The following NBEA variants were observed in gnomAD, a reference collection of about 807,000 sequenced individuals.
NBEA encodes neurobeachin, also known as lysosomal-trafficking regulator 2.
Under a neutral mutation model 343.4 loss-of-function variants are expected in NBEA, and 44 were observed. The observed-to-expected ratio is 0.13, with a 90% confidence interval of 0.10 to 0.16. The LOEUF (loss-of-function observed/expected upper bound fraction) is 0.16. Ranked by LOEUF, NBEA falls within the 10% of genes least tolerant of loss-of-function variation. The pLI, the probability that NBEA is intolerant of heterozygous loss-of-function variation, is 1.00. For missense variants in NBEA, 2,555 were observed against 3,631.3 expected, an observed-to-expected ratio of 0.70 and a Z score of 7.62; for synonymous variants, 1,175 against 1,238.7, an observed-to-expected ratio of 0.95 and a Z score of 1.08.
chr13:35,575,676 C>A (rs79441562), intron 45 of NBEA, among the ~76,000 whole-genome samples: 19,869 of 152,108 alleles, frequency 0.13, 1,438 homozygotes, highest in East Asian at 0.28. Flanking sequence ...ATAATCAGAT[C>A]ACCATGATTA....
At chr13:35,495,914 G>A (rs2076659493) in intron 41 of NBEA, among the ~76,000 whole-genome samples, 1 of 152,030 alleles carries the variant, frequency 6.6e-6, no homozygotes. Context: ...CATGTGACTT[G>A]AAAGAACTGA....
chr13:35,330,461 A>T (rs966978839), intron 36 of NBEA, among the ~76,000 whole-genome samples: 1 of 152,004 alleles, frequency 6.6e-6, no homozygotes, highest in Admixed American at 6.6e-5. Flanking sequence ...CTTTCCCTTA[A>T]CACTTAATTC....
intron 1 of NBEA, among the ~76,000 whole-genome samples, chr13:34,985,904 C>A (rs2060527001): frequency 1.3e-5 from 2 of 150,330 alleles, no homozygotes; most frequent in South Asian, 4.2e-4. Context: ...TTTTTTATTG[C>A]ATTTATTTGA....
intron 25 of NBEA, among the ~76,000 whole-genome samples, chr13:35,170,175 T>C (rs950513256): frequency 2.0e-5 from 3 of 151,722 alleles, no homozygotes; most frequent in Non-Finnish European, 4.4e-5. Flanking sequence ...TCTGCTCACG[T>C]TTCCATGTTA....
chr13:35,243,900 C>T (rs1002706781), intron 34 of NBEA, among the ~76,000 whole-genome samples: 3 of 151,794 alleles, frequency 2.0e-5, no homozygotes, highest in Non-Finnish European at 4.4e-5. Flanking sequence ...ATCAATTGGA[C>T]TTAACAGACC....
intron 36 of NBEA, among the ~76,000 whole-genome samples, chr13:35,312,166 T>TA (rs2037413967): frequency 1.3e-5 from 2 of 152,148 alleles, no homozygotes; most frequent in South Asian, 4.1e-4. Context: ...GATGAACACA[T>TA]ACAGTAATAC....
At chr13:35,136,895 T>C (rs980433148) in intron 17 of NBEA, among the ~76,000 whole-genome samples, 1 of 152,236 alleles carries the variant, frequency 6.6e-6, no homozygotes. Context: ...TGAATTCATT[T>C]GAAGTAGACG....
intron 41 of NBEA, among the ~76,000 whole-genome samples, chr13:35,511,956 A>C (rs1022111656): frequency 6.6e-6 from 1 of 152,184 alleles, no homozygotes; most frequent in African/African-American, 2.4e-5. Context: ...TTTAATGTCC[A>C]GTGGAGATGT....
chr13:35,363,216 G>A (rs1393751693), intron 38 of NBEA, among the ~76,000 whole-genome samples: 3 of 151,896 alleles, frequency 2.0e-5, no homozygotes, highest in African/African-American at 7.2e-5. Flanking sequence ...GGATTAGGTA[G>A]AAATTTTAAT....
At chr13:35,192,337 A>G (rs1360879067) in intron 30 of NBEA, among the ~76,000 whole-genome samples, 1 of 152,036 alleles carries the variant, frequency 6.6e-6, no homozygotes, top group African/African-American at 2.4e-5. Flanking sequence ...GTAAATGCAT[A>G]CTGAGAAATA....
intron 10 of NBEA, among the ~76,000 whole-genome samples, chr13:35,092,814 A>G (rs1049609158): frequency 5.3e-5 from 8 of 152,054 alleles, no homozygotes; most frequent in Admixed American, 6.6e-5. Context: ...ATATACACTT[A>G]TTGTATAGTT....
chr13:35,123,640 C>G, intron 17 of NBEA, 66 bp downstream of exon 17: 1 of 998,568 alleles, frequency 1.0e-6, no homozygotes, highest in Non-Finnish European at 1.4e-6. Flanking sequence ...TATGAGTTTT[C>G]TATGTAATGT....
At chr13:35,547,368 A>T (rs2079110790) in intron 41 of NBEA, among the ~76,000 whole-genome samples, 1 of 152,146 alleles carries the variant, frequency 6.6e-6, no homozygotes, top group Admixed American at 6.5e-5. Context: ...TACTGATCTT[A>T]GGTTCCTTTT....
Position 35,667,666 on chromosome 13 carries a change from A to G in NBEA, c.8661+96A>G, listed in dbSNP as rs2085423808. 6.0e-6 allele frequency: 7 copies of G among 1,157,392 alleles called. No homozygotes were observed. In the East Asian group the frequency reaches 1.4e-4, roughly 23 times the overall value. 71.7% of individuals were successfully genotyped at this position (1,157,392 alleles called of 1,614,324 possible). A position where few individuals can be genotyped will look rare whatever the true frequency, so the allele number is the denominator to read the frequency against. ...TAATTCATAATAGAATGTCTGTGCT[A>G]TCCAGATAAATGTGTTCTAGATTAA... On this transcript the variant is annotated intron_variant, in intron 57 of 58. Transcript: ENST00000379939.
chr13:35,640,054 A>G (rs750507291), intron 49 of NBEA, among the ~76,000 whole-genome samples: 33 of 152,128 alleles, frequency 2.2e-4, no homozygotes, highest in Non-Finnish European at 4.0e-4. Flanking sequence ...GATTAACGAA[A>G]GTTTTTGCCT....
intron 41 of NBEA, among the ~76,000 whole-genome samples, chr13:35,506,585 T>C (rs1380652045): frequency 6.6e-6 from 1 of 152,134 alleles, no homozygotes; most frequent in Non-Finnish European, 1.5e-5. Context: ...TGGGTTCGTG[T>C]TCTGTCCGTC....
intron 45 of NBEA, among the ~76,000 whole-genome samples, chr13:35,570,385 G>A (rs954381209): frequency 9.9e-5 from 15 of 152,172 alleles, no homozygotes; most frequent in Non-Finnish European, 1.6e-4. Context: ...CTTTGGCAGA[G>A]CTTTTCCTTT....
intron 46 of NBEA, among the ~76,000 whole-genome samples, chr13:35,590,123 T>C (rs777766003): frequency 1.3e-5 from 2 of 152,042 alleles, no homozygotes; most frequent in Admixed American, 1.3e-4. Flanking sequence ...TTTTTTAAGG[T>C]TAATATAGCA....
chr13:35,616,091 C>T (rs574235729), intron 48 of NBEA, among the ~76,000 whole-genome samples: 1 of 152,136 alleles, frequency 6.6e-6, no homozygotes, highest in Admixed American at 6.6e-5. Context: ...AACTGGAATA[C>T]ACCTTTATTT....
Sources: gnomAD v4.1 joint callset for allele counts (sites outside exome capture counted in the v4.1 genomes callset) on GRCh38, gnomAD v4.1.1 for gene constraint, MANE v1.5 for transcripts, NCBI Gene and HGNC (gene_info 2026-07-23, HGNC 2026-07-21) for gene names.